The following EFHD2 variants were observed in gnomAD, a reference collection of about 807,000 sequenced individuals.
The protein encoded by EFHD2 is EF-hand domain family member D2.
EFHD2 carries 12 observed loss-of-function variants against 20.3 expected under a neutral mutation model. The ratio of observed to expected loss-of-function variants is 0.59; its 90% confidence interval spans 0.38 to 0.96. EFHD2 has a LOEUF of 0.96. Ranked by LOEUF, EFHD2 falls within the 40% of genes least tolerant of loss-of-function variation. EFHD2 has a pLI of 0.00. For synonymous variants in EFHD2, 131 were observed against 143.9 expected, an observed-to-expected ratio of 0.91 and a Z score of 0.64; for missense variants, 250 against 334.3, an observed-to-expected ratio of 0.75 and a Z score of 1.97.
intron 1 of EFHD2, among the ~76,000 whole-genome samples, chr1:15,421,487 G>A (rs904642897): frequency 9.9e-5 from 15 of 152,268 alleles, no homozygotes; most frequent in African/African-American, 3.6e-4. Flanking sequence ...GTCCCCCTGG[G>A]GGCCAGAGCC....
At chr1:15,416,439 C>CT (rs1279649869) in intron 1 of EFHD2, among the ~76,000 whole-genome samples, 1 of 152,202 alleles carries the variant, frequency 6.6e-6, no homozygotes, top group Non-Finnish European at 1.5e-5. Context: ...CTGACTTCTG[C>CT]TTTTCAAGGA....
At chr1:15,420,049 GTCA>G (rs909312530) in intron 1 of EFHD2, among the ~76,000 whole-genome samples, 2 of 152,160 alleles carry the variant, frequency 1.3e-5, no homozygotes, top group African/African-American at 4.8e-5. Context: ...GATCCCCTGG[GTCA>G]TCATGTCCAC....
intron 3 of EFHD2, 150 bp downstream of exon 3, chr1:15,427,434 CTCTGTCT>C (rs1707891397): frequency 7.1e-7 from 1 of 1,404,896 alleles, no homozygotes; most frequent in Non-Finnish European, 9.5e-7. Context: ...GGCCCACACG[CTCTGTCT>C]TCTGTCTTCT....
chr1:15,427,261 G>A lies in EFHD2; in HGVS notation c.568G>A (p.Ala190Thr). ...CGTCTCCAGTGAGGGTGTCAAGGGGGCCAAGAGCTTCTTTGAGGCCAAGGT... is the reference window on the plus strand; with the variant it reads ...CGTCTCCAGTGAGGGTGTCAAGGGGACCAAGAGCTTCTTTGAGGCCAAGGT... ...IDVSSEGVKG[A>T]KSFFEAKVQA... is the part of the protein sequence containing the mutation. Residue 190 changes from alanine to threonine, a missense_variant, in exon 3 of 4, where the codon GCC becomes ACC. Ala to Thr is a moderately conservative substitution (Grantham distance 58, BLOSUM62 0). This residue lies in a region of EFHD2 where 100 missense variants were observed against 116.2 expected (regional missense o/e 0.86). Transcript: ENST00000375980. 1.2e-6 allele frequency: 2 copies of A among 1,607,216 alleles called. No individual in the cohort carries two copies. The highest frequency in any genetic ancestry group is 1.3e-5 in the African/African-American group (1 of 75,030).
intron 1 of EFHD2, among the ~76,000 whole-genome samples, chr1:15,417,641 C>T (rs1570764792): frequency 1.3e-5 from 2 of 152,328 alleles, no homozygotes; most frequent in South Asian, 4.1e-4. Context: ...GTGAGATTCC[C>T]AGATAGGACT....
intron 1 of EFHD2, among the ~76,000 whole-genome samples, chr1:15,416,363 G>C (rs1461097328): frequency 1.3e-5 from 2 of 151,980 alleles, no homozygotes; most frequent in Non-Finnish European, 2.9e-5. Flanking sequence ...TGCAGCCTCA[G>C]CAGGGAAGGT....
intron 1 of EFHD2, among the ~76,000 whole-genome samples, chr1:15,421,149 G>A (rs1310496977): frequency 6.6e-6 from 1 of 152,134 alleles, no homozygotes; most frequent in Non-Finnish European, 1.5e-5. Flanking sequence ...GGTCTGTGGG[G>A]TTAGGTGACT....
chr1:15,410,209 T>A lies in EFHD2; in HGVS notation c.238T>A (p.Phe80Ile), dbSNP rs762929111. 6.2e-7 allele frequency: 1 copy of A among 1,605,916 alleles called. No homozygotes were observed. Among genetic ancestry groups the A allele is most frequent in the Non-Finnish European group, 8.5e-7 (1 of 1,177,084 alleles). ...GEPQSPSRRVFNPYTEFKEFS... is the reference protein window; with the variant it reads ...GEPQSPSRRVINPYTEFKEFS... ...GCCCCAGTCGCCCAGCCGCCGCGTC[T>A]TCAACCCCTACACCGAGTTCAAGGA... The change falls in exon 1 of 4, where the codon TTC becomes ATC. Residue 80 changes from phenylalanine to isoleucine, a missense_variant. Coordinates refer to ENST00000375980, the MANE Select transcript of EFHD2 (RefSeq NM_024329.6).
chr1:15,414,641 A>G (rs1453825068), intron 1 of EFHD2, among the ~76,000 whole-genome samples: 1 of 152,014 alleles, frequency 6.6e-6, no homozygotes, highest in Non-Finnish European at 1.5e-5. Flanking sequence ...CACAGTGCCC[A>G]CTGGCTGCCT....
At position 15,427,053 on chromosome 1, in the gene EFHD2, A is replaced by AG. The variant is rs532919132; in HGVS notation, c.457-93dup. On this transcript the variant is annotated intron_variant, in intron 2 of 3. Transcript: ENST00000375980. ...TCACTGCCCCCCAGTCCTTCTCTGC[A>AG]GGGGAGGCCTGAGGCTGGGGCCTGG... 955 of 1,497,630 alleles carry AG rather than the reference A, an allele frequency of 6.4e-4. 16 individuals are homozygous for AG. In the South Asian group the frequency reaches 0.012, roughly 19 times the overall value. 92.8% of individuals were successfully genotyped at this position (1,497,630 alleles called of 1,614,324 possible).
rs559786118 is a variant in EFHD2, at chr1:15,425,243, G to A, written c.309-628G>A. Among the ~76,000 whole-genome samples the A allele has an allele frequency of 5.7e-4, 86 of 152,192 alleles. 3 individuals carry two copies. Among genetic ancestry groups the A allele is most frequent in the African/African-American group, 1.9e-3 (77 of 41,512 alleles). On this transcript the variant is annotated intron_variant, in intron 1 of 3. Transcript: ENST00000375980. Reference sequence around the variant, plus strand: ...GCCGTGGTATTGAGAATTCCTTCTCGGCCAGGCACGGTGGCTCATGCCTGT... The same window carrying A: ...GCCGTGGTATTGAGAATTCCTTCTCAGCCAGGCACGGTGGCTCATGCCTGT...
rs1707876269 is a variant in EFHD2, at chr1:15,426,677, G to A, written c.457-473G>A. Among the ~76,000 whole-genome samples, 2 of 152,144 alleles carry A rather than the reference G, an allele frequency of 1.3e-5. No individual in the cohort carries two copies. Among genetic ancestry groups the A allele is most frequent in the Non-Finnish European group, 2.9e-5 (2 of 68,022 alleles). ...GGGGAGTGCGAGTGGCTGGGCGGGA[G>A]GTGTGGGCAGTGCAGGGTAACAGCT... is the stretch of plus-strand genomic sequence containing the variant. On this transcript the variant is annotated intron_variant, in intron 2 of 3. Transcript: ENST00000375980. The surrounding 1 kb of genome is among the most constrained non-coding windows in gnomAD (Gnocchi z 4.6).
Position 15,423,443 on chromosome 1 carries a change from AGC to A in EFHD2, c.309-2427_309-2426del, listed in dbSNP as rs369883469. 1.7e-4 allele frequency among the ~76,000 whole-genome samples: 26 copies of A among 152,288 alleles called. 1 individual carries two copies. The South Asian group carries it at 5.0e-3, about 29-fold the overall frequency. ...CAAATGCTCCCCTTGTGCTCCAGGC[AGC>A]CGTCTGTGTTCTGCAGCAGCCCCAG... On this transcript the variant is annotated intron_variant, in intron 1 of 3. Coordinates refer to ENST00000375980, the MANE Select transcript of EFHD2 (RefSeq NM_024329.6).
In EFHD2 at chr1:15,430,195, T is replaced by C. The variant is rs1314734435; in HGVS notation, c.*1471T>C. 6.7e-6 allele frequency: 1 copy of C among 150,088 alleles called. No homozygotes were observed. The highest frequency in any genetic ancestry group is 1.5e-5 in the Non-Finnish European group (1 of 66,560). 9.3% of individuals were successfully genotyped at this position (150,088 alleles called of 1,614,324 possible). On this transcript the variant is annotated 3_prime_UTR_variant, in exon 4 of 4. Transcript: ENST00000375980. The stretch of plus-strand genomic sequence containing the variant: ...TGTTTATACAGATGAATATAAAATG[T>C]TTTTTTCTTTGGGCTTTTTGCTTCT...
At chr1:15,417,861 G>T (rs376064541) in intron 1 of EFHD2, among the ~76,000 whole-genome samples, 2 of 152,302 alleles carry the variant, frequency 1.3e-5, no homozygotes, top group South Asian at 2.1e-4. Flanking sequence ...GACAGAATTG[G>T]GGTCCCTGTG....
intron 1 of EFHD2, among the ~76,000 whole-genome samples, chr1:15,417,975 C>CTTTT (rs1707706856): frequency 1.8e-5 from 2 of 112,846 alleles, no homozygotes; most frequent in Admixed American, 8.5e-5. Context: ...AACTTTCTTT[C>CTTTT]TTTTTCTTTT....
Position 15,425,933 on chromosome 1 carries a change from T to C in EFHD2, c.371T>C (p.Leu124Pro), listed in dbSNP as rs199599184. 6.9e-6 allele frequency: 11 copies of C among 1,605,192 alleles called. No homozygotes were observed. Among genetic ancestry groups the C allele is most frequent in the African/African-American group, 4.0e-5 (3 of 74,368 alleles). ...GAGCTAAAACTCATGATGGAGAAACTTGGGGCCCCTCAGACCCACCTGGGC... is the reference window on the plus strand; with the variant it reads ...GAGCTAAAACTCATGATGGAGAAACCTGGGGCCCCTCAGACCCACCTGGGC... ...LMELKLMMEK[L>P]GAPQTHLGLK... The change falls in exon 2 of 4, where the codon CTT (leucine) becomes CCT (proline). Residue 124 changes from leucine to proline, a missense_variant. This residue lies in a region of EFHD2 where 143 missense variants were observed against 190.6 expected (regional missense o/e 0.75). Coordinates refer to ENST00000375980, the MANE Select transcript of EFHD2 (RefSeq NM_024329.6).
intron 1 of EFHD2, among the ~76,000 whole-genome samples, chr1:15,417,981 C>CTTTT (rs57589251): frequency 2.6e-4 from 25 of 97,078 alleles, no homozygotes; most frequent in Non-Finnish European, 3.5e-4. Context: ...CTTTCTTTTT[C>CTTTT]TTTTTTTTTT....
chr1:15,414,031 C>A (rs1230938756), intron 1 of EFHD2, among the ~76,000 whole-genome samples: 4 of 152,246 alleles, frequency 2.6e-5, no homozygotes, highest in South Asian at 2.1e-4. Flanking sequence ...GGAGTGCCCA[C>A]CCCTGGGCTG....
Sources: allele counts gnomAD v4.1 joint callset (sites outside exome capture counted in the v4.1 genomes callset), GRCh38; gene constraint gnomAD v4.1.1; regional missense constraint gnomAD v4.1.1; non-coding constraint Gnocchi (gnomAD v3.1); transcripts MANE v1.5; gene names NCBI Gene and HGNC (gene_info 2026-07-23, HGNC 2026-07-21).